EDIL3: variants seen among roughly 807,000 people sequenced by gnomAD.
The protein encoded by EDIL3 is EGF-like repeat and discoidin I-like domain-containing protein 3.
In EDIL3, 37 loss-of-function variants were observed where a neutral mutation model predicts 67.4. The ratio of observed to expected loss-of-function variants is 0.55; its 90% confidence interval spans 0.42 to 0.72. The LOEUF (loss-of-function observed/expected upper bound fraction) is 0.72, where lower values mean the gene tolerates loss of function less well. Ranked by LOEUF, EDIL3 falls within the 30% of genes least tolerant of loss-of-function variation. The probability of loss-of-function intolerance (pLI) is 0.00; values close to 1 mark genes in which losing one functional copy is unlikely to be tolerated. For synonymous variants in EDIL3, 195 were observed against 196.3 expected, an observed-to-expected ratio of 0.99 and a Z score of 0.05; for missense variants, 527 against 586.3, an observed-to-expected ratio of 0.90 and a Z score of 1.04.
chr5:83,991,789 T>C (rs1460251011), intron 9 of EDIL3, among the ~76,000 whole-genome samples: 1 of 152,132 alleles, frequency 6.6e-6, no homozygotes, highest in Non-Finnish European at 1.5e-5. Context: ...GACCGCGGAA[T>C]TTCCTTCCTA....
intron 4 of EDIL3, among the ~76,000 whole-genome samples, chr5:84,153,264 C>A (rs1748429624): frequency 6.6e-6 from 1 of 152,116 alleles, no homozygotes; most frequent in Admixed American, 6.6e-5. Flanking sequence ...ATATCTCTTT[C>A]TTGGCTTTAA....
chr5:84,341,866 T>A (rs538627363), intron 1 of EDIL3, among the ~76,000 whole-genome samples: 14 of 152,174 alleles, frequency 9.2e-5, no homozygotes, highest in South Asian at 6.2e-4. Flanking sequence ...GCTAGGAGTA[T>A]AATGCAAGTA....
intron 1 of EDIL3, among the ~76,000 whole-genome samples, chr5:84,360,258 G>A (rs1406354859): frequency 1.3e-5 from 2 of 152,170 alleles, no homozygotes; most frequent in Non-Finnish European, 2.9e-5. Flanking sequence ...ATTTTATGAG[G>A]TCAAAGAACA....
chr5:84,274,995 C>A (rs1745549247), intron 1 of EDIL3, among the ~76,000 whole-genome samples: 1 of 151,952 alleles, frequency 6.6e-6, no homozygotes, highest in Non-Finnish European at 1.5e-5. Flanking sequence ...CAAAAAGGAC[C>A]CCAGAGACTG....
intron 5 of EDIL3, among the ~76,000 whole-genome samples, chr5:84,131,521 A>T (rs1315662615): frequency 6.6e-6 from 1 of 152,192 alleles, no homozygotes; most frequent in Non-Finnish European, 1.5e-5. Context: ...AGGCTCTGCA[A>T]CTGCAATGCC....
At chr5:84,141,072 A>G in intron 4 of EDIL3, among the ~76,000 whole-genome samples, 1 of 151,994 alleles carries the variant, frequency 6.6e-6, no homozygotes, top group East Asian at 1.9e-4. Context: ...AATAACATAC[A>G]CCTATCTTCG....
intron 1 of EDIL3, among the ~76,000 whole-genome samples, chr5:84,352,510 C>T (rs1035138778): frequency 6.6e-5 from 10 of 152,050 alleles, no homozygotes; most frequent in South Asian, 2.1e-4. Flanking sequence ...GGATGGAGCT[C>T]GGGGCCATTA....
intron 9 of EDIL3, among the ~76,000 whole-genome samples, chr5:83,975,291 C>G (rs950278818): frequency 5.9e-5 from 9 of 151,920 alleles, no homozygotes; most frequent in African/African-American, 2.2e-4. Context: ...ACCAAATAAC[C>G]TTATATTTTA....
At chr5:84,041,652 AC>A (rs1561412292) in intron 9 of EDIL3, among the ~76,000 whole-genome samples, 3 of 147,484 alleles carry the variant, frequency 2.0e-5, no homozygotes, top group African/African-American at 7.4e-5. Flanking sequence ...TTACATATAT[AC>A]TTATATGTAT....
intron 1 of EDIL3, among the ~76,000 whole-genome samples, chr5:84,272,538 C>T (rs141945667): frequency 2.4e-3 from 360 of 152,054 alleles, no homozygotes; most frequent in Non-Finnish European, 4.1e-3. Context: ...TATATATATG[C>T]ACATATATAA....
chr5:84,117,273 A>G (rs569418015), intron 5 of EDIL3, among the ~76,000 whole-genome samples: 20 of 151,654 alleles, frequency 1.3e-4, no homozygotes, highest in Non-Finnish European at 2.7e-4. Context: ...CTCGTGATCC[A>G]CCCGCCTTGG....
intron 9 of EDIL3, among the ~76,000 whole-genome samples, chr5:83,984,318 CA>C (rs1188392204): frequency 6.6e-6 from 1 of 152,020 alleles, no homozygotes; most frequent in Non-Finnish European, 1.5e-5. Context: ...TGGCAAAAAA[CA>C]ACAGGTAAAG....
intron 1 of EDIL3, among the ~76,000 whole-genome samples, chr5:84,326,447 A>G (rs1036234757): frequency 2.0e-5 from 3 of 152,034 alleles, no homozygotes; most frequent in Admixed American, 2.0e-4. Context: ...AAATAATTCT[A>G]TAGATGGATT....
intron 1 of EDIL3, among the ~76,000 whole-genome samples, chr5:84,334,355 C>G (rs567565721): frequency 1.3e-5 from 2 of 152,034 alleles, no homozygotes; most frequent in Non-Finnish European, 2.9e-5. Flanking sequence ...TGAGCCACCG[C>G]GCCTGGCCAG....
intron 1 of EDIL3, among the ~76,000 whole-genome samples, chr5:84,323,186 T>C (rs529988754): frequency 1.4e-4 from 21 of 152,198 alleles, no homozygotes; most frequent in African/African-American, 4.8e-4. Context: ...GTTTGTTTTA[T>C]ACAGAATTTA....
intron 3 of EDIL3, among the ~76,000 whole-genome samples, chr5:84,181,446 A>T (rs1366123965): frequency 6.6e-6 from 1 of 152,152 alleles, no homozygotes; most frequent in African/African-American, 2.4e-5. Flanking sequence ...AACATTCTGT[A>T]CTCTGAGGTG....
intron 6 of EDIL3, among the ~76,000 whole-genome samples, chr5:84,067,999 C>A (rs577065821): frequency 6.6e-6 from 1 of 152,160 alleles, no homozygotes; most frequent in Non-Finnish European, 1.5e-5. Context: ...CATTTTAAGT[C>A]CCATTCCTCT....
intron 1 of EDIL3, among the ~76,000 whole-genome samples, chr5:84,277,384 G>A (rs2112103173): frequency 6.6e-6 from 1 of 152,216 alleles, no homozygotes; most frequent in Middle Eastern, 3.4e-3. Flanking sequence ...CCAGCCTCCA[G>A]TACTGTGAAA....
At chr5:84,010,815 AT>A (rs1233781329) in intron 9 of EDIL3, among the ~76,000 whole-genome samples, 3 of 152,202 alleles carry the variant, frequency 2.0e-5, no homozygotes, top group Admixed American at 6.5e-5. Flanking sequence ...GTTCAATCAC[AT>A]TCTCCCCTAC....
Sources: allele counts gnomAD v4.1 joint callset (sites outside exome capture counted in the v4.1 genomes callset), GRCh38; gene constraint gnomAD v4.1.1; transcripts MANE v1.5; gene names NCBI Gene and HGNC (gene_info 2026-07-23, HGNC 2026-07-21).